FNIP1: variants seen among roughly 807,000 people sequenced by gnomAD.
FNIP1 encodes the protein folliculin-interacting protein 1.
FNIP1 carries 40 observed loss-of-function variants against 124.5 expected under a neutral mutation model. That is an observed-to-expected ratio of 0.32 (90% CI 0.25 to 0.42). The LOEUF is 0.42. Ranked by LOEUF, FNIP1 falls within the 10% of genes least tolerant of loss-of-function variation. FNIP1 has a pLI of 1.00. For missense variants in FNIP1, 1,176 were observed against 1,403.7 expected (o/e 0.84, Z 2.59); for synonymous variants, 472 against 470.6 (o/e 1.00, Z -0.04).
In FNIP1 at chr5:131,672,716, A is replaced by T; in HGVS notation, c.1728T>A (p.Gly576=). Residue 576 remains glycine (G), a synonymous_variant, in exon 14 of 18, where the codon GGT becomes GGA. Transcript: ENST00000510461. ...GTVITTTLEK[G]EIEESEYVLV... is the part of the protein sequence containing the mutation. ...GGACATACTCTGATTCTTCTATTTC[A>T]CCTTTCTCTAAAGTGGTAGTAATTA... 1 of 1,613,490 alleles carries T rather than the reference A, an allele frequency of 6.2e-7. No individual in the cohort carries two copies. The highest frequency in any genetic ancestry group is 8.5e-7 in the Non-Finnish European group (1 of 1,179,710).
intron 8 of FNIP1, among the ~76,000 whole-genome samples, chr5:131,708,063 TA>T (rs895705768): frequency 1.3e-5 from 2 of 152,128 alleles, no homozygotes; most frequent in Non-Finnish European, 1.5e-5. Context: ...AAGCTACTCT[TA>T]TTAGAGTAGT....
chr5:131,700,026 C>A (rs1225009166), intron 10 of FNIP1, among the ~76,000 whole-genome samples: 1 of 149,186 alleles, frequency 6.7e-6, no homozygotes, highest in African/African-American at 2.5e-5. Context: ...TGCTCTGTTG[C>A]CAGCTGGAGT....
At position 131,778,688 on chromosome 5, in the gene FNIP1, C is replaced by T. The variant is rs565429536; in HGVS notation, c.92+18142G>A. 1.5e-3 allele frequency among the ~76,000 whole-genome samples: 131 copies of T among 89,114 alleles called. 1 individual carries two copies. In the Admixed American group the frequency reaches 0.016, roughly 11 times the overall value. 58.5% of individuals were successfully genotyped at this position (89,114 alleles called of 152,430 possible). A position where few individuals can be genotyped will look rare whatever the true frequency, so the allele number is the denominator to read the frequency against. ...TATAAATCATGCTGCTATAAAGACA[C>T]ATGCACACGTATGTTTATTGCGGCA... On this transcript the variant is annotated intron_variant, in intron 1 of 17. Coordinates refer to ENST00000510461, the MANE Select transcript of FNIP1 (RefSeq NM_133372.3).
chr5:131,740,270 G>A (rs1385471033), intron 2 of FNIP1, among the ~76,000 whole-genome samples: 1 of 152,080 alleles, frequency 6.6e-6, no homozygotes, highest in Non-Finnish European at 1.5e-5. Context: ...TGCATATATT[G>A]AGCTTACTGA....
rs559293951 is a variant in FNIP1 at position 131,729,516 on chromosome 5, G to A, written c.354+1388C>T. On this transcript the variant is annotated intron_variant, in intron 3 of 17. Transcript: ENST00000510461. ...AATGCAGAAATCACCCGCCTTCTGC[G>A]CTGATCTCACTGGGAGCTACAGACC... Among the ~76,000 whole-genome samples, 4 of 152,310 alleles carry A rather than the reference G, an allele frequency of 2.6e-5. No individual in the cohort carries two copies. In the South Asian group the frequency reaches 8.3e-4, roughly 32 times the overall value.
chr5:131,648,062 G>C (rs1470268223), intron 16 of FNIP1, among the ~76,000 whole-genome samples: 1 of 151,222 alleles, frequency 6.6e-6, no homozygotes, highest in Non-Finnish European at 1.5e-5. Context: ...GGGCATGGTG[G>C]CTCATACTTG....
At position 131,677,653 on chromosome 5, in the gene FNIP1, T is replaced by G. The variant is rs760122862; in HGVS notation, c.1519+50A>C. On this transcript the variant is annotated intron_variant, in intron 13 of 17. Coordinates refer to ENST00000510461, the MANE Select transcript of FNIP1 (RefSeq NM_133372.3). ...GGTTTTGCTATAAAATAATTACAGA[T>G]AGCTACAAAAAAGTCTAATACATAG... 4 of 1,481,766 alleles carry G rather than the reference T, an allele frequency of 2.7e-6. No individual in the cohort carries two copies. The African/African-American group carries it at 5.6e-5, about 21-fold the overall frequency. The allele number at this position is 1,481,766 out of a possible 1,614,324, so 91.8% of individuals were successfully genotyped here. A position where few individuals can be genotyped will look rare whatever the true frequency, so the allele number is the denominator to read the frequency against.
At chr5:131,741,003 T>C (rs951185802) in intron 2 of FNIP1, among the ~76,000 whole-genome samples, 2 of 152,194 alleles carry the variant, frequency 1.3e-5, no homozygotes, top group African/African-American at 4.8e-5. Flanking sequence ...GAGGCATGAA[T>C]AATCCACCCC....
chr5:131,654,962 C>T lies in FNIP1; in HGVS notation c.3109-2963G>A, dbSNP rs144333775. Among the ~76,000 whole-genome samples the T allele has an allele frequency of 1.7e-3, 256 of 152,238 alleles. 1 individual carries two copies. The East Asian group carries it at 0.017, about 10-fold the overall frequency. On this transcript the variant is annotated intron_variant, in intron 15 of 17. Coordinates refer to ENST00000510461, the MANE Select transcript of FNIP1 (RefSeq NM_133372.3). The stretch of plus-strand genomic sequence containing the variant: ...TTCATCTCTTGCCAGGGATAAATCA[C>T]TTTGTTATTCATCACTTAATTATGG...
Position 131,669,935 on chromosome 5 carries a change from T to C in FNIP1, c.3108+528A>G, listed in dbSNP as rs568267656. On this transcript the variant is annotated intron_variant, in intron 15 of 17. Coordinates refer to ENST00000510461, the MANE Select transcript of FNIP1 (RefSeq NM_133372.3). ...AATGAGTCAAAAAAAAAAAAAAAAG[T>C]TGGGGGCAGCGGGGACAAAAGGCAT... Among the ~76,000 whole-genome samples the C allele has an allele frequency of 3.2e-4, 43 of 135,932 alleles. No individual in the cohort carries two copies. In the East Asian group the frequency reaches 7.9e-3, roughly 25 times the overall value. 89.2% of individuals were successfully genotyped at this position (135,932 alleles called of 152,430 possible).
Position 131,699,021 on chromosome 5 carries a change from G to A in FNIP1, c.1117-19C>T. 6.3e-7 allele frequency: 1 copy of A among 1,591,458 alleles called. No homozygotes were observed. Among genetic ancestry groups the A allele is most frequent in the Non-Finnish European group, 8.5e-7 (1 of 1,170,372 alleles). ...TCATAGCCTTGAAAACAATCATTGA[G>A]ATAGTTAATTCTTATGTTAATCATG... On this transcript the variant is annotated intron_variant, in intron 10 of 17. Coordinates refer to ENST00000510461, the MANE Select transcript of FNIP1 (RefSeq NM_133372.3).
At chr5:131,667,856 G>A (rs1289359420) in intron 15 of FNIP1, among the ~76,000 whole-genome samples, 1 of 152,148 alleles carries the variant, frequency 6.6e-6, no homozygotes, top group Admixed American at 6.5e-5. Context: ...CCAAAGTGCT[G>A]GGATTATAGG....
At chr5:131,671,403 C>A in intron 14 of FNIP1, 102 bp downstream of exon 14, 1 of 972,534 alleles carries the variant, frequency 1.0e-6, no homozygotes, top group East Asian at 2.4e-5. Context: ...GAGAGCTATC[C>A]AGAACAATGA....
intron 1 of FNIP1, among the ~76,000 whole-genome samples, chr5:131,775,707 T>C (rs1240711598): frequency 6.6e-6 from 1 of 151,918 alleles, no homozygotes; most frequent in African/African-American, 2.4e-5. Context: ...TTTGTATTTT[T>C]AGTAGAGACG....
rs1162348733 is a variant in FNIP1 at position 131,647,165 on chromosome 5, A to T, written c.3347T>A (p.Phe1116Tyr). 6.2e-7 allele frequency: 1 copy of T among 1,614,144 alleles called. No homozygotes were observed. Among genetic ancestry groups the T allele is most frequent in the Non-Finnish European group, 8.5e-7 (1 of 1,179,996 alleles). The change falls in exon 17 of 18, where the codon TTC becomes TAC. Residue 1116 changes from phenylalanine (F) to tyrosine (Y), a missense_variant. Physicochemically the swap from Phe to Tyr is conservative, Grantham distance 22. Coordinates refer to ENST00000510461, the MANE Select transcript of FNIP1 (RefSeq NM_133372.3). Reference sequence around the variant, plus strand: ...GTATTCAGACAGCATTTTACTTTTGAAGTATAGCTCCTGCAACCGGTCTTC... The same window carrying T: ...GTATTCAGACAGCATTTTACTTTTGTAGTATAGCTCCTGCAACCGGTCTTC... ...HLEDRLQELY[F>Y]KSKMLSEYLR... is the part of the protein sequence containing the mutation.
chr5:131,721,625 C>G (rs2149543990), intron 3 of FNIP1, among the ~76,000 whole-genome samples: 1 of 152,220 alleles, frequency 6.6e-6, no homozygotes, highest in African/African-American at 2.4e-5. Context: ...GGTGAAACCC[C>G]ATCTCTGCTA....
At chr5:131,720,227 G>A (rs1352095020) in intron 3 of FNIP1, among the ~76,000 whole-genome samples, 1 of 152,154 alleles carries the variant, frequency 6.6e-6, no homozygotes, top group African/African-American at 2.4e-5. Context: ...TTCAAGAAGG[G>A]TGCTAAGAAT....
At position 131,693,317 on chromosome 5, in the gene FNIP1, C is replaced by CATATATATATATAT. The variant is rs1561658252; in HGVS notation, c.1202+5599_1202+5600insATATATATATATAT. Reference sequence around the variant, plus strand: ...ATATACATATATATATATATATATACACATATATATATATACATATATATA... The same window carrying CATATATATATATAT: ...ATATACATATATATATATATATATACATATATATATATATACATATATATATATACATATATATA... On this transcript the variant is annotated intron_variant, in intron 11 of 17. Transcript: ENST00000510461. Among the ~76,000 whole-genome samples the CATATATATATATAT allele has an allele frequency of 9.0e-3, 376 of 41,572 alleles. 21 individuals are homozygous for CATATATATATATAT. Among genetic ancestry groups the CATATATATATATAT allele is most frequent in the African/African-American group, 0.021 (237 of 11,270 alleles). The allele number at this position is 41,572 out of a possible 152,430, so 27.3% of individuals were successfully genotyped here.
intron 2 of FNIP1, among the ~76,000 whole-genome samples, chr5:131,739,373 T>C (rs1770429384): frequency 6.6e-6 from 1 of 152,162 alleles, no homozygotes; most frequent in Non-Finnish European, 1.5e-5. Context: ...AGTATGAGTC[T>C]AAATTAATCT....
Sources: gnomAD v4.1 joint callset for allele counts (sites outside exome capture counted in the v4.1 genomes callset) on GRCh38, gnomAD v4.1.1 for gene constraint, MANE v1.5 for transcripts, NCBI Gene and HGNC (gene_info 2026-07-23, HGNC 2026-07-21) for gene names.